FBF1: variants seen among roughly 807,000 people sequenced by gnomAD.
FBF1 encodes the protein Fas binding factor 1.
FBF1 carries 119 observed loss-of-function variants against 147.2 expected under a neutral mutation model. That is an observed-to-expected ratio of 0.81 (90% CI 0.70 to 0.94). The LOEUF (loss-of-function observed/expected upper bound fraction) is 0.94. Among genes scored for constraint, FBF1 ranks in the 40% least tolerant of loss-of-function variants. The probability of loss-of-function intolerance (pLI) is 0.00; values close to 1 mark genes in which losing one functional copy is unlikely to be tolerated. For synonymous variants in FBF1, 601 were observed against 609.0 expected, an observed-to-expected ratio of 0.99 and a Z score of 0.19; for missense variants, 1,449 against 1,500.8, an observed-to-expected ratio of 0.97 and a Z score of 0.57.
chr17:75,914,654 A>G (rs181305553), intron 25 of FBF1, 93 bp downstream of exon 25: 2 of 1,313,940 alleles, frequency 1.5e-6, no homozygotes, highest in African/African-American at 3.0e-5. Context: ...TTAGTGCTAC[A>G]CTCTCCTTTC....
rs1399000776 is a variant in FBF1, at chr17:75,910,230, G to C, written c.*493C>G. 8.2e-6 allele frequency: 3 copies of C among 363,644 alleles called. No individual in the cohort carries two copies. The highest frequency in any genetic ancestry group is 1.1e-5 in the Non-Finnish European group (2 of 186,276). The allele number at this position is 363,644 out of a possible 1,614,324, so 22.5% of individuals were successfully genotyped here. On this transcript the variant is annotated 3_prime_UTR_variant, in exon 30 of 30. Transcript: ENST00000636174. This position sits in a 1 kb window ranked among gnomAD's most constrained non-coding sequence, Gnocchi z 4.1. Reference sequence around the variant, plus strand: ...GGAGGATCTAGCTGGTGCCCTCCCTGTACTGTCAGGAGGCCAGAGGGCCCT... The same window carrying C: ...GGAGGATCTAGCTGGTGCCCTCCCTCTACTGTCAGGAGGCCAGAGGGCCCT...
Position 75,918,201 on chromosome 17 carries a change from C to T in FBF1, c.2207G>A (p.Arg736Gln), listed in dbSNP as rs538500854. ...QLQRLKLLKD[R>Q]EVDAATSATS... ...GGCACTGGTGGCCGCATCGACCTCT[C>T]GGTCCTTCAGCAGCTTTAGCCGCTG... Residue 736 changes from arginine to glutamine, a missense_variant, in exon 21 of 30, where the codon CGA (arginine) becomes CAA (glutamine). By Grantham distance (43) the Arg-to-Gln change is conservative (BLOSUM62 1). Transcript: ENST00000636174. The surrounding 1 kb of genome is among the most constrained non-coding windows in gnomAD (Gnocchi z 5.8). 1.1e-5 allele frequency: 18 copies of T among 1,613,390 alleles called. No individual in the cohort carries two copies. The highest frequency in any genetic ancestry group is 1.7e-5 in the Admixed American group (1 of 60,002).
In FBF1 at chr17:75,920,042, G is replaced by T; in HGVS notation, c.1896C>A (p.His632Gln). The T allele has an allele frequency of 6.2e-7, 1 of 1,602,746 alleles. No individual in the cohort carries two copies. Among genetic ancestry groups the T allele is most frequent in the Non-Finnish European group, 8.5e-7 (1 of 1,175,106 alleles). The change falls in exon 19 of 30, where the codon CAC becomes CAA. Residue 632 changes from histidine to glutamine, a missense_variant. Transcript: ENST00000636174. ...ELLLGSLQQQ[H>Q]QADLELIESA... ...TCTCGATGAGCTCCAGGTCTGCCTGGTGCTGCTGCTGCAGACTCCCCAGCA... is the reference window on the plus strand; with the variant it reads ...TCTCGATGAGCTCCAGGTCTGCCTGTTGCTGCTGCTGCAGACTCCCCAGCA...
Position 75,926,849 on chromosome 17 carries a change from G to C in FBF1, c.504C>G (p.Leu168=). 2 of 1,613,372 alleles carry C rather than the reference G, an allele frequency of 1.2e-6. No homozygotes were observed. Among genetic ancestry groups the C allele is most frequent in the Non-Finnish European group, 1.7e-6 (2 of 1,179,654 alleles). Residue 168 remains leucine (L), a synonymous_variant, in exon 10 of 30, where the codon CTC becomes CTG. Transcript: ENST00000636174. ...EDLEDPLRGL[L]SYDEGGITKQ... Reference sequence around the variant, plus strand: ...TGGTGATTCCTCCTTCATCATAGGAGAGAAGTCCTCTCAATGGGTCTTCCA... The same window carrying C: ...TGGTGATTCCTCCTTCATCATAGGACAGAAGTCCTCTCAATGGGTCTTCCA...
chr17:75,918,396 TCA>T lies in FBF1; in HGVS notation c.2139-129_2139-128del, dbSNP rs1336213418. On this transcript the variant is annotated intron_variant, in intron 20 of 29. Coordinates refer to ENST00000636174, the MANE Select transcript of FBF1 (RefSeq NM_001319193.2). This position sits in a 1 kb window ranked among gnomAD's most constrained non-coding sequence, Gnocchi z 5.8. ...GGCCTCTCCTCCGCCGGGCACTGCC[TCA>T]GTTTCCCCAGCTCCTCTGTCTTATC... 2 of 688,692 alleles carry T rather than the reference TCA, an allele frequency of 2.9e-6. No homozygotes were observed. The highest frequency in any genetic ancestry group is 1.8e-5 in the African/African-American group (1 of 55,738). 42.7% of individuals were successfully genotyped at this position (688,692 alleles called of 1,614,324 possible).
At position 75,909,909 on chromosome 17, in the gene FBF1, G is replaced by C; in HGVS notation, c.*814C>G. ...AAGCAGCGGGAGTGGAGGAGGATCAGAGAAACCTCTGTAGTTGTGATTGGT... is the reference window on the plus strand; with the variant it reads ...AAGCAGCGGGAGTGGAGGAGGATCACAGAAACCTCTGTAGTTGTGATTGGT... On this transcript the variant is annotated 3_prime_UTR_variant, in exon 30 of 30. Transcript: ENST00000636174. 1.4e-6 allele frequency: 1 copy of C among 701,294 alleles called. No individual in the cohort carries two copies. The highest frequency in any genetic ancestry group is 2.6e-6 in the Non-Finnish European group (1 of 384,402). 43.4% of individuals were successfully genotyped at this position (701,294 alleles called of 1,614,324 possible).
chr17:75,929,996 C>T lies in FBF1; in HGVS notation c.279+1G>A, dbSNP rs1244047258. The T allele has an allele frequency of 3.9e-6, 5 of 1,273,658 alleles. No individual in the cohort carries two copies. In the East Asian group the frequency reaches 2.8e-4, roughly 70 times the overall value. The allele number at this position is 1,273,658 out of a possible 1,614,324, so 78.9% of individuals were successfully genotyped here. A position where few individuals can be genotyped will look rare whatever the true frequency, so the allele number is the denominator to read the frequency against. On this transcript the variant is annotated splice_donor_variant, in intron 7 of 29. Transcript: ENST00000636174. LOFTEE classifies it high-confidence loss of function. ...AAGAATCGTGCAAGCTGTTTCCTTA[C>T]CTTCATGGCCTGGAGCAGAGCCTGT...
intron 10 of FBF1, 26 bp downstream of exon 10, chr17:75,926,732 T>C (rs370322330): frequency 1.2e-6 from 2 of 1,602,596 alleles, no homozygotes; most frequent in Non-Finnish European, 1.7e-6. Context: ...TCCTCCAGGA[T>C]GGGAAATGAG....
Position 75,910,161 on chromosome 17 carries a change from G to C in FBF1, c.*562C>G, listed in dbSNP as rs2065449028. The C allele has an allele frequency of 7.2e-6, 3 of 417,858 alleles. No individual in the cohort carries two copies. The highest frequency in any genetic ancestry group is 5.7e-5 in the South Asian group (3 of 53,024). 25.9% of individuals were successfully genotyped at this position (417,858 alleles called of 1,614,324 possible). ...GTGGGGGCTCTGGGCAAGCCCAGGA[G>C]GAGGAGGGCCTGGCTGAGTTCCAGG... On this transcript the variant is annotated 3_prime_UTR_variant, in exon 30 of 30. Transcript: ENST00000636174. The surrounding 1 kb of genome is among the most constrained non-coding windows in gnomAD (Gnocchi z 4.1).
intron 4 of FBF1, among the ~76,000 whole-genome samples, chr17:75,935,166 A>AT (rs556762409): frequency 0.11 from 15,832 of 142,396 alleles, 1,284 homozygotes; most frequent in African/African-American, 0.23. Context: ...ATTACATCTC[A>AT]TTTTTTTTTT....
At chr17:75,932,287 G>T (rs1038041324) in intron 5 of FBF1, among the ~76,000 whole-genome samples, 1 of 152,128 alleles carries the variant, frequency 6.6e-6, no homozygotes, top group African/African-American at 2.4e-5. Flanking sequence ...TGAGGCAGGA[G>T]AACTGCTGGA....
At position 75,919,579 on chromosome 17, in the gene FBF1, T is replaced by C. The variant is rs1454964170; in HGVS notation, c.2138+89A>G. The C allele has an allele frequency of 1.4e-6, 2 of 1,438,618 alleles. No homozygotes were observed. Among genetic ancestry groups the C allele is most frequent in the African/African-American group, 2.8e-5 (2 of 71,096 alleles). The allele number at this position is 1,438,618 out of a possible 1,614,324, so 89.1% of individuals were successfully genotyped here. ...GACCCAACCCCTGTCCAAAGGCTGC[T>C]GAGCCACAGCGAAGGGTCTCGTGGG... On this transcript the variant is annotated intron_variant, in intron 20 of 29. Transcript: ENST00000636174. This position sits in a 1 kb window ranked among gnomAD's most constrained non-coding sequence, Gnocchi z 5.0.
intron 5 of FBF1, among the ~76,000 whole-genome samples, chr17:75,931,682 G>T (rs1424982339): frequency 6.6e-6 from 1 of 152,014 alleles, no homozygotes; most frequent in Non-Finnish European, 1.5e-5. Context: ...TACTCAGGAG[G>T]CTGAGGCAGG....
chr17:75,937,527 A>G (rs752885861), intron 3 of FBF1, 39 bp downstream of exon 3: 47 of 1,610,228 alleles, frequency 2.9e-5, no homozygotes, highest in Non-Finnish European at 3.7e-5. Flanking sequence ...AAAAAGATAT[A>G]TATTTGGCTT....
chr17:75,929,964 C>CCCCCCCCCCCA, intron 7 of FBF1, 33 bp downstream of exon 7: 2 of 1,402,200 alleles, frequency 1.4e-6, no homozygotes, highest in Non-Finnish European at 2.0e-6. Flanking sequence ...CACCCACCCC[C>CCCCCCCCCCCA]AGTTCTAAGA....
In FBF1 at chr17:75,925,714, T is replaced by C. The variant is rs2065556467; in HGVS notation, c.869-268A>G. ...TCTCAGCAGACAGCTTGTGGGCTGA[T>C]GCTTTGAGAAACATGTCCAGAGCAG... On this transcript the variant is annotated intron_variant, in intron 12 of 29. Transcript: ENST00000636174. This position sits in a 1 kb window ranked among gnomAD's most constrained non-coding sequence, Gnocchi z 5.0. 6.6e-6 allele frequency among the ~76,000 whole-genome samples: 1 copy of C among 152,192 alleles called. No homozygotes were observed. Among genetic ancestry groups the C allele is most frequent in the Non-Finnish European group, 1.5e-5 (1 of 68,034 alleles).
At chr17:75,935,419 C>T (rs1022693893) in intron 4 of FBF1, among the ~76,000 whole-genome samples, 17 of 152,032 alleles carry the variant, frequency 1.1e-4, no homozygotes, top group Admixed American at 2.6e-4. Flanking sequence ...GGCCCTCCTC[C>T]TCCTCCCAGA....
rs772640857 is a variant in FBF1, at chr17:75,922,075, G to A, written c.1425-29C>T. ...AGGAAAGGCAGCGTTCAAGGTGAAG[G>A]TGACAGAAGGCCCAGGTCAGGCTGG... On this transcript the variant is annotated intron_variant, in intron 14 of 29. Transcript: ENST00000636174. This position sits in a 1 kb window ranked among gnomAD's most constrained non-coding sequence, Gnocchi z 5.0. 221 of 1,541,438 alleles carry A rather than the reference G, an allele frequency of 1.4e-4. No homozygotes were observed. The highest frequency in any genetic ancestry group is 1.8e-4 in the Non-Finnish European group (210 of 1,138,022).
At chr17:75,924,246 T>A (rs1409415588) in intron 13 of FBF1, among the ~76,000 whole-genome samples, 2 of 152,126 alleles carry the variant, frequency 1.3e-5, no homozygotes, top group Non-Finnish European at 2.9e-5. Context: ...TCAAGTGGTT[T>A]CCAGGTTTTC....
Sources: allele counts gnomAD v4.1 joint callset (sites outside exome capture counted in the v4.1 genomes callset), GRCh38; gene constraint gnomAD v4.1.1; non-coding constraint Gnocchi (gnomAD v3.1); transcripts MANE v1.5; gene names NCBI Gene and HGNC (gene_info 2026-07-23, HGNC 2026-07-21).